Variants in NDE1 observed in about 807,000 individuals in gnomAD.
NDE1 encodes nudE neurodevelopment protein 1.
NDE1 carries 28 observed loss-of-function variants against 43.4 expected under a neutral mutation model. The observed-to-expected ratio is 0.65, with a 90% CI of 0.48 to 0.89. The LOEUF (loss-of-function observed/expected upper bound fraction) is 0.89. NDE1 is among the 40% of genes least tolerant of loss of function. The probability of loss-of-function intolerance (pLI) is 0.00; values close to 1 mark genes in which losing one functional copy is unlikely to be tolerated. For synonymous variants in NDE1, 184 were observed against 172.0 expected, an observed-to-expected ratio of 1.07 and a Z score of -0.55; for missense variants, 441 against 434.1, an observed-to-expected ratio of 1.02 and a Z score of -0.14.
intron 8 of NDE1, chr16:15,704,116 T>C: frequency 1.2e-6 from 2 of 1,614,120 alleles, no homozygotes; most frequent in Non-Finnish European, 8.5e-7. Flanking sequence ...GAGGTCTCGT[T>C]TCCTCGCCTG....
chr16:15,678,376 T>C (rs1015811903), intron 4 of NDE1, among the ~76,000 whole-genome samples: 7 of 150,982 alleles, frequency 4.6e-5, no homozygotes, highest in Admixed American at 2.6e-4. Context: ...CAGTTTTTTG[T>C]TTTTTTTTGG....
chr16:15,689,166 A>G (rs1030684350), intron 5 of NDE1, among the ~76,000 whole-genome samples: 1 of 152,186 alleles, frequency 6.6e-6, no homozygotes, highest in African/African-American at 2.4e-5. Flanking sequence ...TAATGGTTAA[A>G]ATGAACAGTA....
At chr16:15,687,103 T>G in intron 4 of NDE1, 1 of 1,322,478 alleles carries the variant, frequency 7.6e-7, no homozygotes, top group East Asian at 3.5e-5. Context: ...CTGATAGGGC[T>G]TTGGCTTATT....
chr16:15,707,871 C>G (rs1400976841), intron 8 of NDE1, among the ~76,000 whole-genome samples: 2 of 149,756 alleles, frequency 1.3e-5, no homozygotes, highest in African/African-American at 4.9e-5. Context: ...ACTCAGAAGG[C>G]TGAGGTAGGA....
chr16:15,716,946 C>G (rs2040183800), intron 8 of NDE1, among the ~76,000 whole-genome samples: 1 of 152,186 alleles, frequency 6.6e-6, no homozygotes, highest in African/African-American at 2.4e-5. Context: ...TAGGTGCTTG[C>G]CCTAGGCCAG....
At chr16:15,664,908 T>G in intron 2 of NDE1, 47 bp downstream of exon 2, 1 of 1,389,840 alleles carries the variant, frequency 7.2e-7, no homozygotes, top group Non-Finnish European at 1.0e-6. Flanking sequence ...TTTTTTGAGA[T>G]GGGGTCCTGC....
exon 1 of NDE1, chr16:15,643,388 A>G: frequency 2.0e-6 from 1 of 494,210 alleles, no homozygotes. Flanking sequence ...CCCCAGTTTA[A>G]GGAGGCCTTC....
In NDE1 at chr16:15,714,562, T is replaced by G. The variant is rs969540055; in HGVS notation, c.948-9629T>G. 10 of 419,570 alleles carry G rather than the reference T, an allele frequency of 2.4e-5. No individual in the cohort carries two copies. In the Admixed American group the frequency reaches 2.6e-4, roughly 11 times the overall value. 26.0% of individuals were successfully genotyped at this position (419,570 alleles called of 1,614,324 possible). On this transcript the variant is annotated intron_variant, in intron 8 of 8. Coordinates refer to ENST00000396354, the MANE Select transcript of NDE1 (RefSeq NM_017668.3). Reference sequence around the variant, plus strand: ...GGAGGTGAAGTGGCGGGGGGTGGTGTTGCAGCTTCAATGGATGTCGTGAAG... The same window carrying G: ...GGAGGTGAAGTGGCGGGGGGTGGTGGTGCAGCTTCAATGGATGTCGTGAAG...
intron 8 of NDE1, among the ~76,000 whole-genome samples, chr16:15,707,125 G>A (rs987303922): frequency 7.0e-4 from 107 of 152,054 alleles, no homozygotes; most frequent in Admixed American, 4.6e-4. Flanking sequence ...TGCAGCCTCT[G>A]CCTCCCAGGT....
chr16:15,718,533 T>C (rs2040294329), intron 8 of NDE1: 7 of 1,475,468 alleles, frequency 4.7e-6, no homozygotes, highest in Non-Finnish European at 6.3e-6. Context: ...ATTGCCCTCA[T>C]CATCTAATGG....
At chr16:15,650,462 C>T (rs1457282710) in intron 1 of NDE1, among the ~76,000 whole-genome samples, 168 bp downstream of exon 1, 1 of 152,248 alleles carries the variant, frequency 6.6e-6, no homozygotes, top group East Asian at 1.9e-4. Context: ...GCCTGGACTC[C>T]CCCGGTCCCT....
chr16:15,665,279 A>T (rs2037245585), intron 2 of NDE1, among the ~76,000 whole-genome samples: 1 of 151,970 alleles, frequency 6.6e-6, no homozygotes, highest in African/African-American at 2.4e-5. Flanking sequence ...CCTGTGAAAA[A>T]ACTATTAGCA....
intron 8 of NDE1, chr16:15,719,268 A>T (rs2040337321): frequency 1.2e-6 from 2 of 1,613,178 alleles, no homozygotes; most frequent in South Asian, 1.1e-5. Context: ...CTCCTTCTCG[A>T]GGTCCGCTTG....
chr16:15,713,819 ATGATTGCAG>A (rs1290295651), intron 8 of NDE1: 1 of 152,442 alleles, frequency 6.6e-6, no homozygotes, highest in Non-Finnish European at 1.5e-5. Context: ...CTTTCACCAA[ATGATTGCAG>A]CAATGCAAGA....
rs973170507 is a variant in NDE1, at chr16:15,714,560, T to C, written c.948-9631T>C. ...AAGGAGGTGAAGTGGCGGGGGGTGG[T>C]GTTGCAGCTTCAATGGATGTCGTGA... is the stretch of plus-strand genomic sequence containing the variant. On this transcript the variant is annotated intron_variant, in intron 8 of 8. Transcript: ENST00000396354. 9.9e-6 allele frequency: 4 copies of C among 404,970 alleles called. No individual in the cohort carries two copies. The South Asian group carries it at 1.1e-4, about 11-fold the overall frequency. The allele number at this position is 404,970 out of a possible 1,614,324, so 25.1% of individuals were successfully genotyped here. A position where few individuals can be genotyped will look rare whatever the true frequency, so the allele number is the denominator to read the frequency against.
Position 15,721,021 on chromosome 16 carries a change from G to A in NDE1, c.948-3170G>A. The A allele has an allele frequency of 6.2e-7, 1 of 1,613,960 alleles. No individual in the cohort carries two copies. Among genetic ancestry groups the A allele is most frequent in the Non-Finnish European group, 8.5e-7 (1 of 1,180,010 alleles). ...TTCATCTCCTCCATCTGGGTCTCCA[G>A]GGCCCGCTTGGACTTCTCCAGCTCA... On this transcript the variant is annotated intron_variant, in intron 8 of 8. Coordinates refer to ENST00000396354, the MANE Select transcript of NDE1 (RefSeq NM_017668.3).
intron 1 of NDE1, among the ~76,000 whole-genome samples, chr16:15,660,838 C>T (rs910048471): frequency 1.4e-4 from 22 of 152,156 alleles, no homozygotes; most frequent in African/African-American, 5.1e-4. Context: ...GCACAGTCTT[C>T]CTGATTCTCA....
chr16:15,704,122 G>A lies in NDE1; in HGVS notation c.947+7262G>A, dbSNP rs772670393. 9 of 1,613,762 alleles carry A rather than the reference G, an allele frequency of 5.6e-6. No individual in the cohort carries two copies. Among genetic ancestry groups the A allele is most frequent in the Admixed American group, 1.7e-5 (1 of 59,968 alleles). ...GGAACGAAAGAGGTCTCGTTTCCTC[G>A]CCTGTGGGTTGTAAGAAAACACATT... On this transcript the variant is annotated intron_variant, in intron 8 of 8. Transcript: ENST00000396354.
At chr16:15,703,809 G>C (rs1304732760) in intron 8 of NDE1, 9 of 804,846 alleles carry the variant, frequency 1.1e-5, no homozygotes, top group Non-Finnish European at 1.9e-5. Context: ...GCTGGAGGGT[G>C]GTGGTTTTTA....
Sources: allele counts gnomAD v4.1 joint callset (sites outside exome capture counted in the v4.1 genomes callset), GRCh38; gene constraint gnomAD v4.1.1; transcripts MANE v1.5; gene names NCBI Gene and HGNC (gene_info 2026-07-23, HGNC 2026-07-21).